Variants in IPO11 observed in about 807,000 individuals in gnomAD.
The protein encoded by IPO11 is importin-11.
Under a neutral mutation model 143.2 loss-of-function variants are expected in IPO11, and 66 were observed. That is an observed-to-expected ratio of 0.46 (90% CI 0.38 to 0.57). The LOEUF is 0.57. IPO11 is among the 20% of genes least tolerant of loss of function. IPO11 has a pLI of 0.00. For missense variants in IPO11, 1,026 were observed against 1,141.0 expected (o/e 0.90, Z 1.45); for synonymous variants, 385 against 377.8 (o/e 1.02, Z -0.22).
chr5:62,514,247 G>A (rs1741915787), intron 19 of IPO11, among the ~76,000 whole-genome samples: 1 of 152,102 alleles, frequency 6.6e-6, no homozygotes, highest in Non-Finnish European at 1.5e-5. Context: ...AGGCGGCTGG[G>A]AGGTGGAGGC....
Position 62,561,267 on chromosome 5 carries a change from T to A in IPO11, c.2582+10T>A. On this transcript the variant is annotated intron_variant, in intron 27 of 29. Coordinates refer to ENST00000325324, the MANE Select transcript of IPO11 (RefSeq NM_016338.5). Reference sequence around the variant, plus strand: ...TGCCATCTGATAATAGGTGAGGAAATGTTTTCTTAAAATTTGTTTCTTTCA... The same window carrying A: ...TGCCATCTGATAATAGGTGAGGAAAAGTTTTCTTAAAATTTGTTTCTTTCA... The A allele has an allele frequency of 7.0e-7, 1 of 1,426,202 alleles. No individual in the cohort carries two copies. The highest frequency in any genetic ancestry group is 1.3e-5 in the South Asian group (1 of 76,466). 88.3% of individuals were successfully genotyped at this position (1,426,202 alleles called of 1,614,324 possible).
rs147091603 is a variant in IPO11 at position 62,520,344 on chromosome 5, T to C, written c.1896+4843T>C. Among the ~76,000 whole-genome samples, 123 of 152,320 alleles carry C rather than the reference T, an allele frequency of 8.1e-4. 1 individual carries two copies. Among genetic ancestry groups the C allele is most frequent in the African/African-American group, 2.7e-3 (113 of 41,558 alleles). ...TACACATTTCCTCAGTGATGTTTTG[T>C]TACTTTCATCATCTTGAAGAGATAC... On this transcript the variant is annotated intron_variant, in intron 20 of 29. Coordinates refer to ENST00000325324, the MANE Select transcript of IPO11 (RefSeq NM_016338.5).
At position 62,520,870 on chromosome 5, in the gene IPO11, G is replaced by C. The variant is rs561614758; in HGVS notation, c.1897-5272G>C. On this transcript the variant is annotated intron_variant, in intron 20 of 29. Transcript: ENST00000325324. ...TTATAATCCTTTGGGTGTATACCCA[G>C]TAATGGGATGGCTGGGCCAAATGGT... is the stretch of plus-strand genomic sequence containing the variant. Among the ~76,000 whole-genome samples the C allele has an allele frequency of 6.0e-3, 919 of 152,340 alleles. 4 individuals are homozygous for C. Among genetic ancestry groups the C allele is most frequent in the Middle Eastern group, 0.031 (9 of 294 alleles).
At chr5:62,621,826 C>G (rs1225135052) in intron 29 of IPO11, among the ~76,000 whole-genome samples, 1 of 151,800 alleles carries the variant, frequency 6.6e-6, no homozygotes, top group Non-Finnish European at 1.5e-5. Flanking sequence ...AAACAAAAAC[C>G]AAAATCAAGA....
intron 1 of IPO11, among the ~76,000 whole-genome samples, chr5:62,420,019 G>GTAA (rs1743445573): frequency 6.6e-6 from 1 of 152,018 alleles, no homozygotes; most frequent in Non-Finnish European, 1.5e-5. Context: ...GGCTGGGCGT[G>GTAA]GTGGCTCACG....
Position 62,550,434 on chromosome 5 carries a change from A to G in IPO11, c.2318A>G (p.Tyr773Cys), listed in dbSNP as rs374422328. 46 of 1,612,526 alleles carry G rather than the reference A, an allele frequency of 2.9e-5. No homozygotes were observed. Among genetic ancestry groups the G allele is most frequent in the Middle Eastern group, 1.7e-4 (1 of 6,036 alleles). The change falls in exon 25 of 30, where the codon TAT becomes TGT. Residue 773 changes from tyrosine (Y) to cysteine (C), a missense_variant. This residue lies in a region of IPO11 where 351 missense variants were observed against 358.9 expected (regional missense o/e 0.98). Transcript: ENST00000325324. ...GPQMFQPILP[Y>C]VFKGIIEGER... is the part of the protein sequence containing the mutation. ...CAAATGTTTCAACCGATTTTACCCT[A>G]TGTTTTCAAGGGTATTATAGAAGGG...
At chr5:62,446,136 G>C (rs1744709577) in intron 3 of IPO11, among the ~76,000 whole-genome samples, 1 of 152,110 alleles carries the variant, frequency 6.6e-6, no homozygotes, top group Admixed American at 6.6e-5. Flanking sequence ...TATTAACTTT[G>C]AGTAAGTCAT....
At chr5:62,557,329 G>A (rs1561361926) in intron 26 of IPO11, among the ~76,000 whole-genome samples, 2 of 152,088 alleles carry the variant, frequency 1.3e-5, no homozygotes, top group Admixed American at 6.6e-5. Context: ...GATTATAGGT[G>A]CACGCCACCA....
At chr5:62,518,376 G>A (rs759187764) in intron 20 of IPO11, among the ~76,000 whole-genome samples, 2 of 151,892 alleles carry the variant, frequency 1.3e-5, no homozygotes, top group African/African-American at 4.8e-5. Flanking sequence ...CCTGAGAGGC[G>A]GAGGCTGTAG....
In IPO11 at chr5:62,551,277, C is replaced by G; in HGVS notation, c.2401C>G (p.Gln801Glu). 1 of 1,610,596 alleles carries G rather than the reference C, an allele frequency of 6.2e-7. No homozygotes were observed. The change falls in exon 26 of 30, where the codon CAA becomes GAA. Residue 801 changes from glutamine to glutamate, a missense_variant. This residue lies in a region of IPO11 where 351 missense variants were observed against 358.9 expected (regional missense o/e 0.98). Transcript: ENST00000325324. ...TGGAGTTATGGGTCGAGTTCTACTA[C>G]AAAACACTAGTTTTTTTTCTTCACT... ...YLGVMGRVLL[Q>E]NTSFFSSLLN...
intron 9 of IPO11, among the ~76,000 whole-genome samples, chr5:62,480,326 G>A (rs917633282): frequency 1.3e-5 from 2 of 152,182 alleles, no homozygotes; most frequent in African/African-American, 4.8e-5. Flanking sequence ...GTACCATGCT[G>A]TTTTGGTTAC....
intron 24 of IPO11, among the ~76,000 whole-genome samples, chr5:62,540,198 C>T (rs1282823831): frequency 6.6e-6 from 1 of 152,126 alleles, no homozygotes; most frequent in African/African-American, 2.4e-5. Context: ...ATTTGGGATT[C>T]TCTGCTTGAC....
At chr5:62,553,860 C>T (rs1258752762) in intron 26 of IPO11, among the ~76,000 whole-genome samples, 2 of 152,132 alleles carry the variant, frequency 1.3e-5, no homozygotes, top group African/African-American at 4.8e-5. Context: ...TCAAGTGAAT[C>T]TCTCGCCTCA....
At position 62,575,683 on chromosome 5, in the gene IPO11, C is replaced by G. The variant is rs114918975; in HGVS notation, c.2582+14426C>G. 4.4e-3 allele frequency among the ~76,000 whole-genome samples: 672 copies of G among 152,102 alleles called. 4 individuals carry two copies. The highest frequency in any genetic ancestry group is 0.015 in the African/African-American group (634 of 41,504). ...TAGAATATTGCATAAGTGATGTGTC[C>G]CTCTTGGAATATCACAGGCAAAGTC... On this transcript the variant is annotated intron_variant, in intron 27 of 29. Transcript: ENST00000325324.
intron 1 of IPO11, among the ~76,000 whole-genome samples, chr5:62,435,075 T>C (rs1159841546): frequency 1.9e-5 from 2 of 106,892 alleles, no homozygotes; most frequent in Non-Finnish European, 3.7e-5. Context: ...TATATATGTA[T>C]ATATATGTGT....
chr5:62,487,861 G>A lies in IPO11; in HGVS notation c.1309G>A (p.Gly437Arg), dbSNP rs1463982356. ...VLLEMMQTLQ[G>R]PTNVEDMNAL... ...TCTAGAAATGATGCAAACACTTCAA[G>A]GTAAGGCATATTTTGTGATTAACTT... The change falls in exon 13 of 30, where the codon GGA (glycine) becomes AGA (arginine). Residue 437 changes from glycine (G) to arginine (R), a missense_variant and splice_region_variant. This residue lies in a region of IPO11 where 237 missense variants were observed against 288.0 expected (regional missense o/e 0.82). Transcript: ENST00000325324. The A allele has an allele frequency of 6.2e-7, 1 of 1,604,076 alleles. No homozygotes were observed. Among genetic ancestry groups the A allele is most frequent in the East Asian group, 2.2e-5 (1 of 44,644 alleles).
chr5:62,550,217 C>T, intron 24 of IPO11, 150 bp from the exon 25 acceptor site: 1 of 542,478 alleles, frequency 1.8e-6, no homozygotes, highest in Non-Finnish European at 3.3e-6. Flanking sequence ...AAAAGTGTGT[C>T]TAGTGTCAGA....
intron 24 of IPO11, among the ~76,000 whole-genome samples, chr5:62,538,297 A>G (rs1742806746): frequency 6.6e-6 from 1 of 152,182 alleles, no homozygotes; most frequent in Non-Finnish European, 1.5e-5. Flanking sequence ...TAAGTGAGTA[A>G]AAGTTTGCAC....
At chr5:62,617,245 G>A (rs915874147) in intron 29 of IPO11, among the ~76,000 whole-genome samples, 26 of 152,064 alleles carry the variant, frequency 1.7e-4, no homozygotes, top group Non-Finnish European at 2.5e-4. Flanking sequence ...CAGAAAACTC[G>A]GCATATCCAT....
Sources: gnomAD v4.1 joint callset for allele counts (sites outside exome capture counted in the v4.1 genomes callset) on GRCh38, gnomAD v4.1.1 for gene constraint, gnomAD v4.1.1 regional missense constraint, MANE v1.5 for transcripts, NCBI Gene and HGNC (gene_info 2026-07-23, HGNC 2026-07-21) for gene names.